PARVB: variants seen among roughly 807,000 people sequenced by gnomAD.
PARVB encodes the protein parvin beta, also known as beta-parvin.
Under a neutral mutation model 47.0 loss-of-function variants are expected in PARVB, and 46 were observed. The observed-to-expected ratio is 0.98, with a 90% CI of 0.77 to 1.25. The LOEUF (loss-of-function observed/expected upper bound fraction) is 1.25, where lower values mean the gene tolerates loss of function less well. Ranked by LOEUF, PARVB falls within the 50% of genes most tolerant of loss-of-function variation. PARVB has a pLI of 0.00. For missense variants in PARVB, 473 were observed against 471.6 expected (o/e 1.00, Z -0.03); for synonymous variants, 196 against 196.3 (o/e 1.00, Z 0.01).
chr22:44,109,570 A>G (rs1419602703), intron 3 of PARVB: 1 of 152,208 alleles, frequency 6.6e-6, no homozygotes, highest in Non-Finnish European at 1.5e-5. Context: ...TGTGGTATCC[A>G]GGAATAAGTT....
chr22:44,114,431 T>A (rs2052807268), intron 3 of PARVB: 2 of 111,316 alleles, frequency 1.8e-5, no homozygotes, highest in Non-Finnish European at 3.6e-5. Context: ...AGATACATTG[T>A]TACTAAGTAA....
chr22:44,131,436 C>T, intron 4 of PARVB, 51 bp from the exon 5 acceptor site: 1 of 1,598,310 alleles, frequency 6.3e-7, no homozygotes, highest in South Asian at 1.1e-5. Flanking sequence ...GCCACTGCGC[C>T]TGGCCCTTCC....
chr22:44,024,673 C>T (rs934873019), intron 1 of PARVB, among the ~76,000 whole-genome samples: 1 of 152,086 alleles, frequency 6.6e-6, no homozygotes, highest in Non-Finnish European at 1.5e-5. Context: ...GTCTGCCAAA[C>T]GCGCGTGCGG....
At chr22:44,165,309 A>G (rs992660353) in intron 12 of PARVB, among the ~76,000 whole-genome samples, 1 of 152,006 alleles carries the variant, frequency 6.6e-6, no homozygotes, top group East Asian at 1.9e-4. Context: ...TCCCCACTAG[A>G]ACAGAAGCCT....
chr22:44,055,678 C>CTCTCTCTATA (rs1438284048), intron 1 of PARVB, among the ~76,000 whole-genome samples: 1 of 142,680 alleles, frequency 7.0e-6, no homozygotes, highest in African/African-American at 2.6e-5. Context: ...CTCTCTCTCT[C>CTCTCTCTATA]TATATATATA....
intron 5 of PARVB, among the ~76,000 whole-genome samples, chr22:44,132,512 C>CT (rs2147163592): frequency 6.6e-6 from 1 of 152,256 alleles, no homozygotes; most frequent in Admixed American, 6.5e-5. Flanking sequence ...AGAGGGAGCC[C>CT]TTTTTTAGTG....
At chr22:44,141,391 G>A (rs2053549569) in intron 8 of PARVB, 1 of 152,262 alleles carries the variant, frequency 6.6e-6, no homozygotes, top group Admixed American at 6.5e-5. Flanking sequence ...GTAGAACCTG[G>A]AGTTTGATGT....
rs547329979 is a variant in PARVB, at chr22:44,016,773, AT to A, written c.211+17104del. ...CCTGTCATGTGAGGTCAGGTGTGGAATTTTCCACTTTTGGCATCACGTCAGT... is the reference window on the plus strand; with the variant it reads ...CCTGTCATGTGAGGTCAGGTGTGGAATTTCCACTTTTGGCATCACGTCAGT... On this transcript the variant is annotated intron_variant, in intron 2 of 13. Transcript: ENST00000406477. 8.5e-5 allele frequency among the ~76,000 whole-genome samples: 13 copies of A among 152,124 alleles called. No individual in the cohort carries two copies. The South Asian group carries it at 2.7e-3, about 32-fold the overall frequency.
intron 4 of PARVB, among the ~76,000 whole-genome samples, chr22:44,124,522 GC>G (rs2053143963): frequency 6.6e-6 from 1 of 152,058 alleles, no homozygotes; most frequent in Non-Finnish European, 1.5e-5. Flanking sequence ...CCACAGATAT[GC>G]CCCATCCTGG....
chr22:44,096,504 C>G (rs952746438), intron 2 of PARVB, among the ~76,000 whole-genome samples: 1 of 152,210 alleles, frequency 6.6e-6, no homozygotes, highest in South Asian at 2.1e-4. Flanking sequence ...TAAATGTCAT[C>G]ATTGTAGCGA....
At chr22:44,006,027 T>G (rs549742524) in intron 2 of PARVB, among the ~76,000 whole-genome samples, 363 of 152,324 alleles carry the variant, frequency 2.4e-3, no homozygotes, top group Non-Finnish European at 3.5e-3. Context: ...CACTGCAGTC[T>G]CAACTCCCTG....
At chr22:44,058,589 C>G (rs1417397330) in intron 1 of PARVB, among the ~76,000 whole-genome samples, 2 of 126,840 alleles carry the variant, frequency 1.6e-5, no homozygotes, top group African/African-American at 6.1e-5. Flanking sequence ...GAGTCTCACT[C>G]TGTAGCCCAG....
At position 44,012,869 on chromosome 22, in the gene PARVB, A is replaced by G. The variant is rs568911179; in HGVS notation, c.211+13196A>G. Reference sequence around the variant, plus strand: ...AGTTCTATTAAAGAGAAGTGAAAGAAAGCTGACAAGCTTTATTTATTTAAC... The same window carrying G: ...AGTTCTATTAAAGAGAAGTGAAAGAGAGCTGACAAGCTTTATTTATTTAAC... On this transcript the variant is annotated intron_variant, in intron 2 of 13. Transcript: ENST00000406477. Among the ~76,000 whole-genome samples the G allele has an allele frequency of 3.1e-4, 46 of 150,482 alleles. 3 individuals carry two copies. In the South Asian group the frequency reaches 9.7e-3, roughly 32 times the overall value.
At chr22:44,018,446 G>A (rs9626091) in intron 2 of PARVB, among the ~76,000 whole-genome samples, 30,516 of 152,058 alleles carry the variant, frequency 0.2, 3,941 homozygotes, top group East Asian at 0.48. Flanking sequence ...ATGTTTCTGT[G>A]TCTTCCCTGC....
chr22:44,028,039 C>G (rs1277014716), intron 1 of PARVB, among the ~76,000 whole-genome samples: 2 of 151,464 alleles, frequency 1.3e-5, no homozygotes, highest in Non-Finnish European at 2.9e-5. Flanking sequence ...CAAAGTGTCC[C>G]CACCTATCCC....
intron 1 of PARVB, among the ~76,000 whole-genome samples, chr22:44,051,138 G>A (rs1173777532): frequency 1.3e-5 from 2 of 152,226 alleles, no homozygotes; most frequent in Non-Finnish European, 2.9e-5. Context: ...CCGTGACAGA[G>A]TAGTTAGGCA....
At chr22:44,105,909 A>G (rs1402918850) in intron 3 of PARVB, 6 of 152,260 alleles carry the variant, frequency 3.9e-5, no homozygotes, top group African/African-American at 1.4e-4. Flanking sequence ...GCTTACTGCA[A>G]CCTCTGCCTC....
chr22:44,163,981 GA>G, intron 12 of PARVB, 51 bp downstream of exon 12: 3 of 1,413,132 alleles, frequency 2.1e-6, no homozygotes, highest in Admixed American at 1.8e-5. Context: ...CGGAGGGGAA[GA>G]AAAACGGGTC....
At chr22:44,131,838 A>G (rs2053331885) in intron 5 of PARVB, among the ~76,000 whole-genome samples, 2 of 152,208 alleles carry the variant, frequency 1.3e-5, no homozygotes, top group Admixed American at 1.3e-4. Context: ...GGACCTGGTC[A>G]GGCCACAATT....
Sources: allele counts gnomAD v4.1 joint callset (sites outside exome capture counted in the v4.1 genomes callset), GRCh38; gene constraint gnomAD v4.1.1; transcripts MANE v1.5; gene names NCBI Gene and HGNC (gene_info 2026-07-23, HGNC 2026-07-21).